The following LZTFL1 variants were observed in gnomAD, a reference collection of about 807,000 sequenced individuals.
LZTFL1 encodes the protein leucine zipper transcription factor-like protein 1.
LZTFL1 carries 25 observed loss-of-function variants against 45.9 expected under a neutral mutation model. The ratio of observed to expected loss-of-function variants is 0.54; its 90% CI spans 0.40 to 0.76. The LOEUF (loss-of-function observed/expected upper bound fraction) is 0.76, where lower values mean the gene tolerates loss of function less well. LZTFL1 is among the 30% of genes least tolerant of loss of function. LZTFL1 has a pLI of 0.00. For synonymous variants in LZTFL1, 93 were observed against 117.4 expected (o/e 0.79, Z 1.35); for missense variants, 277 against 331.1 (o/e 0.84, Z 1.27).
chr3:45,890,675 T>C (rs1702150272), intron 2 of LZTFL1, among the ~76,000 whole-genome samples: 1 of 151,792 alleles, frequency 6.6e-6, no homozygotes, highest in South Asian at 2.1e-4. Context: ...CTGGGGAAAG[T>C]TCTTGGTTCT....
chr3:45,826,418 T>C, intron 9 of LZTFL1, 86 bp from the exon 10 acceptor site: 2 of 1,042,456 alleles, frequency 1.9e-6, no homozygotes, highest in Non-Finnish European at 3.0e-6. Flanking sequence ...AGTGGCACTA[T>C]ATTTCTCACT....
At chr3:45,898,905 C>A (rs1046539541) in intron 2 of LZTFL1, among the ~76,000 whole-genome samples, 1 of 152,244 alleles carries the variant, frequency 6.6e-6, no homozygotes, top group Non-Finnish European at 1.5e-5. Flanking sequence ...TGGTGGCTCA[C>A]GCCTGTAATG....
intron 2 of LZTFL1, among the ~76,000 whole-genome samples, chr3:45,871,239 T>C (rs1701665850): frequency 6.6e-6 from 1 of 152,232 alleles, no homozygotes; most frequent in Non-Finnish European, 1.5e-5. Context: ...GTTGCTTTGA[T>C]ACAAGGAATG....
At chr3:45,839,461 C>T (rs1271327309) in intron 1 of LZTFL1, among the ~76,000 whole-genome samples, 3 of 152,218 alleles carry the variant, frequency 2.0e-5, no homozygotes, top group African/African-American at 7.2e-5. Context: ...CTCCCAAACT[C>T]TCTTACCCTG....
chr3:45,842,346 C>T (rs1701143944), upstream of LZTFL1, among the ~76,000 whole-genome samples: 1 of 152,240 alleles, frequency 6.6e-6, no homozygotes, highest in Admixed American at 6.5e-5. Context: ...GCCACCAACG[C>T]GCTTCGCGCC....
Position 45,865,871 on chromosome 3 carries a change from G to A in LZTFL1, c.-214-6855C>T, listed in dbSNP as rs181861209. ...TATAACAGCGTTGTCTGTAATAACC[G>A]AAAATCAGAGGCAACCAAATGTCTA... On this transcript the variant is annotated intron_variant, in intron 2 of 4. Transcript: ENST00000472635. Among the ~76,000 whole-genome samples, 5 of 152,290 alleles carry A rather than the reference G, an allele frequency of 3.3e-5. No individual in the cohort carries two copies. The East Asian group carries it at 5.8e-4, about 18-fold the overall frequency.
At position 45,825,556 on chromosome 3, in the gene LZTFL1, T is replaced by A. The variant is rs1700642567; in HGVS notation, c.*758A>T. Reference sequence around the variant, plus strand: ...TAAAATAACATTCTGGAAACAAGTATAAATATTACATTTATTCTGAGTCCA... The same window carrying A: ...TAAAATAACATTCTGGAAACAAGTAAAAATATTACATTTATTCTGAGTCCA... On this transcript the variant is annotated 3_prime_UTR_variant, in exon 10 of 10. Coordinates refer to ENST00000296135, the MANE Select transcript of LZTFL1 (RefSeq NM_020347.4). 1 of 152,232 alleles carries A rather than the reference T, an allele frequency of 6.6e-6. No individual in the cohort carries two copies. Among genetic ancestry groups the A allele is most frequent in the Admixed American group, 6.5e-5 (1 of 15,288 alleles). The allele number at this position is 152,232 out of a possible 1,614,324, so 9.4% of individuals were successfully genotyped here. A position where few individuals can be genotyped will look rare whatever the true frequency, so the allele number is the denominator to read the frequency against.
intron 2 of LZTFL1, among the ~76,000 whole-genome samples, chr3:45,881,546 C>T (rs1039193110): frequency 5.9e-5 from 9 of 152,090 alleles, no homozygotes; most frequent in Non-Finnish European, 1.0e-4. Context: ...GCTGACACCG[C>T]GACCTTCAAG....
At chr3:45,852,296 C>T (rs1701321133) in intron 4 of LZTFL1, among the ~76,000 whole-genome samples, 1 of 152,162 alleles carries the variant, frequency 6.6e-6, no homozygotes, top group Non-Finnish European at 1.5e-5. Flanking sequence ...GGTACACACC[C>T]TTTAAGCCAG....
intron 2 of LZTFL1, among the ~76,000 whole-genome samples, chr3:45,871,914 G>A (rs1701676619): frequency 6.6e-6 from 1 of 152,194 alleles, no homozygotes; most frequent in South Asian, 2.1e-4. Context: ...TTCTATAGTG[G>A]GAGCTTGGGA....
chr3:45,836,776 G>A (rs567368083), intron 2 of LZTFL1, among the ~76,000 whole-genome samples: 113 of 152,232 alleles, frequency 7.4e-4, no homozygotes, highest in Non-Finnish European at 1.3e-3. Context: ...TTTGAAGAGT[G>A]GAGATGACTT....
At chr3:45,863,025 A>G (rs1369848575) in intron 2 of LZTFL1, among the ~76,000 whole-genome samples, 1 of 152,248 alleles carries the variant, frequency 6.6e-6, no homozygotes, top group Non-Finnish European at 1.5e-5. Context: ...TGAGAATAGT[A>G]TTATGAGACC....
intron 3 of LZTFL1, chr3:45,834,631 C>T (rs1700917011): frequency 5.6e-6 from 1 of 178,314 alleles, no homozygotes. Context: ...TGTTTTATTA[C>T]ATAATGTGTA....
intron 1 of LZTFL1, 110 bp from the exon 2 acceptor site, chr3:45,838,161 A>C (rs1575259916): frequency 8.3e-7 from 1 of 1,209,192 alleles, no homozygotes; most frequent in Non-Finnish European, 1.1e-6. Flanking sequence ...TCTCCATCAA[A>C]TTCTATTCTT....
upstream of LZTFL1, among the ~76,000 whole-genome samples, chr3:45,846,014 G>A (rs1325703487): frequency 6.6e-6 from 1 of 152,186 alleles, no homozygotes; most frequent in Non-Finnish European, 1.5e-5. Flanking sequence ...TAATAACATA[G>A]TATGGCTGGG....
intron 2 of LZTFL1, among the ~76,000 whole-genome samples, chr3:45,875,740 C>A (rs993165619): frequency 2.6e-5 from 4 of 152,138 alleles, no homozygotes; most frequent in African/African-American, 7.2e-5. Context: ...GAAGATCAAA[C>A]GTGAAAATTA....
upstream of LZTFL1, among the ~76,000 whole-genome samples, chr3:45,845,450 C>T (rs1284519129): frequency 1.3e-5 from 2 of 152,116 alleles, no homozygotes; most frequent in African/African-American, 2.4e-5. Flanking sequence ...TAGGTTTTAA[C>T]AGGAGTGTGG....
At chr3:45,833,475 T>C (rs1232942400) in intron 4 of LZTFL1, among the ~76,000 whole-genome samples, 4 of 152,210 alleles carry the variant, frequency 2.6e-5, no homozygotes, top group Non-Finnish European at 5.9e-5. Flanking sequence ...TTTTAGCCTG[T>C]GGGAGCTGAA....
At chr3:45,838,993 A>G (rs1345478524) in intron 1 of LZTFL1, among the ~76,000 whole-genome samples, 1 of 152,288 alleles carries the variant, frequency 6.6e-6, no homozygotes. Context: ...AGACAATATT[A>G]TCTCTGATAG....
Sources: gnomAD v4.1 joint callset for allele counts (sites outside exome capture counted in the v4.1 genomes callset) on GRCh38, gnomAD v4.1.1 for gene constraint, MANE v1.5 for transcripts, NCBI Gene and HGNC (gene_info 2026-07-23, HGNC 2026-07-21) for gene names.